ZNF560: variants seen among roughly 807,000 people sequenced by gnomAD.
The protein encoded by ZNF560 is zinc finger protein 560.
In ZNF560, 54 loss-of-function variants were observed where a neutral mutation model predicts 81.8. The ratio of observed to expected loss-of-function variants is 0.66; its 90% confidence interval spans 0.53 to 0.83. The LOEUF is 0.83. Among genes scored for constraint, ZNF560 ranks in the 40% least tolerant of loss-of-function variants. The pLI is 0.00. For synonymous variants in ZNF560, 321 were observed against 317.9 expected (o/e 1.01, Z -0.10); for missense variants, 940 against 932.4 (o/e 1.01, Z -0.11).
At chr19:9,504,312 G>A in the ZNF560 span, among the ~76,000 whole-genome samples, 1 of 152,126 alleles carries the variant, frequency 6.6e-6, no homozygotes, top group Non-Finnish European at 1.5e-5. Context: ...GCATATGCCT[G>A]TAATCCCAGC....
At chr19:9,447,038 G>A in the ZNF560 span, among the ~76,000 whole-genome samples, 1 of 151,310 alleles carries the variant, frequency 6.6e-6, no homozygotes, top group African/African-American at 2.4e-5. Flanking sequence ...AGAGGCTGAG[G>A]CAGGAGAATC....
chr19:9,475,272 T>A lies in ZNF560; in HGVS notation c.30+12A>T. 1.2e-6 allele frequency: 2 copies of A among 1,613,594 alleles called. No individual in the cohort carries two copies. The highest frequency in any genetic ancestry group is 1.7e-6 in the Non-Finnish European group (2 of 1,179,832). ...GTATGTCATTTTGTGGAAGTATACA[T>A]TTTCTGCATACCTGATAACAATTTG... On this transcript the variant is annotated intron_variant, in intron 3 of 9. Coordinates refer to ENST00000301480, the MANE Select transcript of ZNF560 (RefSeq NM_152476.3).
chr19:9,452,170 G>A, the ZNF560 span, among the ~76,000 whole-genome samples: 1 of 151,970 alleles, frequency 6.6e-6, no homozygotes. Flanking sequence ...AGGAAAAAAT[G>A]CTCATTACTA....
downstream of ZNF560, among the ~76,000 whole-genome samples, chr19:9,462,629 T>A (rs2072951046): frequency 1.3e-5 from 2 of 152,032 alleles, no homozygotes; most frequent in Non-Finnish European, 2.9e-5. Flanking sequence ...ATAATATTTT[T>A]AAAAAATCTT....
At chr19:9,483,397 G>A (rs1173806258) in intron 2 of ZNF560, among the ~76,000 whole-genome samples, 19 of 141,250 alleles carry the variant, frequency 1.3e-4, no homozygotes, top group South Asian at 1.2e-3. Flanking sequence ...CAGCCGCCCC[G>A]TCTGAGAAGT....
intron 2 of ZNF560, among the ~76,000 whole-genome samples, chr19:9,489,440 C>T (rs958771119): frequency 2.0e-4 from 30 of 149,654 alleles, no homozygotes; most frequent in Middle Eastern, 3.8e-3. Flanking sequence ...ACTTCCCAGA[C>T]GGTAGGCAGC....
chr19:9,463,893 G>C (rs1282749794), downstream of ZNF560, among the ~76,000 whole-genome samples: 1 of 152,072 alleles, frequency 6.6e-6, no homozygotes, highest in African/African-American at 2.4e-5. Context: ...ATGTTGCCCG[G>C]GCTGGTCTTG....
At chr19:9,484,286 A>T (rs903199338) in intron 2 of ZNF560, among the ~76,000 whole-genome samples, 1 of 151,352 alleles carries the variant, frequency 6.6e-6, no homozygotes, top group East Asian at 2.0e-4. Flanking sequence ...AAGAATGATC[A>T]ATTAAAAAAA....
chr19:9,467,976 T>G lies in ZNF560; in HGVS notation c.971A>C (p.Gln324Pro). The G allele has an allele frequency of 1.2e-6, 2 of 1,614,186 alleles. No individual in the cohort carries two copies. Among genetic ancestry groups the G allele is most frequent in the Non-Finnish European group, 1.7e-6 (2 of 1,180,034 alleles). Reference sequence around the variant, plus strand: ...GGAGTGAGTAAATGCTTCCCCACATTGCTTCCATTCATTGAGTTTTTCTCC... The same window carrying G: ...GGAGTGAGTAAATGCTTCCCCACATGGCTTCCATTCATTGAGTTTTTCTCC... Reference protein sequence around the residue: ...QSGEKLNEWKQCGEAFTHSTS... With the variant: ...QSGEKLNEWKPCGEAFTHSTS... The change falls in exon 10 of 10, where the codon CAA becomes CCA. Residue 324 changes from glutamine to proline, a missense_variant. Coordinates refer to ENST00000301480, the MANE Select transcript of ZNF560 (RefSeq NM_152476.3).
the ZNF560 span, among the ~76,000 whole-genome samples, chr19:9,449,010 A>G: frequency 6.6e-6 from 1 of 152,254 alleles, no homozygotes; most frequent in South Asian, 2.1e-4. Flanking sequence ...TCGCATTCAT[A>G]AAACAAGTAC....
chr19:9,481,081 T>C (rs1415883240), intron 2 of ZNF560, among the ~76,000 whole-genome samples: 1 of 90,286 alleles, frequency 1.1e-5, no homozygotes, highest in African/African-American at 4.2e-5. Flanking sequence ...AGAGATTATC[T>C]GAAAAAAAAA....
At chr19:9,503,629 G>T in the ZNF560 span, among the ~76,000 whole-genome samples, 1 of 152,134 alleles carries the variant, frequency 6.6e-6, no homozygotes, top group Non-Finnish European at 1.5e-5. Flanking sequence ...CAACCAACTG[G>T]GCTCAAGCAA....
rs369881588 is a variant in ZNF560 at position 9,474,211 on chromosome 19, C to T, written c.145G>A (p.Val49Met). The change falls in exon 4 of 10, where the codon GTG becomes ATG. Residue 49 changes from valine to methionine, a missense_variant. Val to Met is a conservative substitution (Grantham distance 21). Transcript: ENST00000301480. The stretch of plus-strand genomic sequence containing the variant: ...ATGGCAGTCTTACCTACTTTGGCCA[C>T]GTTCTCATAATTCTCCAGCATCACA... ...RDVMLENYEN[V>M]AKVGFQLFKP... 6.8e-6 allele frequency: 11 copies of T among 1,614,044 alleles called. No individual in the cohort carries two copies. The African/African-American group carries it at 9.3e-5, about 14-fold the overall frequency.
At chr19:9,472,421 T>C (rs2073137052) in intron 5 of ZNF560, among the ~76,000 whole-genome samples, 4 of 152,216 alleles carry the variant, frequency 2.6e-5, no homozygotes, top group African/African-American at 9.6e-5. Context: ...TTTGTATTTA[T>C]AGCTGCTCTC....
At chr19:9,448,949 T>C in the ZNF560 span, among the ~76,000 whole-genome samples, 1 of 152,224 alleles carries the variant, frequency 6.6e-6, no homozygotes, top group African/African-American at 2.4e-5. Context: ...CACTATATAA[T>C]GATAAAGGGT....
intron 3 of ZNF560, 37 bp downstream of exon 3, chr19:9,475,247 G>T: frequency 2.5e-6 from 4 of 1,609,996 alleles, no homozygotes; most frequent in Non-Finnish European, 3.4e-6. Flanking sequence ...GGTGATGCAA[G>T]TATGTCATTT....
At position 9,489,213 on chromosome 19, in the gene ZNF560, C is replaced by T. The variant is rs1254014569; in HGVS notation, c.-57+8915G>A. Among the ~76,000 whole-genome samples, 4 of 152,252 alleles carry T rather than the reference C, an allele frequency of 2.6e-5. No individual in the cohort carries two copies. The East Asian group carries it at 7.7e-4, about 29-fold the overall frequency. ...ACACTTGGAGGTTTGCACAGTGGCT[C>T]GACAGAGGTGCTCCTCACTTCCCAG... is the stretch of plus-strand genomic sequence containing the variant. On this transcript the variant is annotated intron_variant, in intron 2 of 9. Transcript: ENST00000301480.
chr19:9,470,375 G>T lies in ZNF560; in HGVS notation c.448+17C>A, dbSNP rs769945589. On this transcript the variant is annotated intron_variant, in intron 7 of 9. Transcript: ENST00000301480. Reference sequence around the variant, plus strand: ...TCTTGTTCCAGAATAGGCTACAAGGGATGATGCCAGACTTACCTACTGAGG... The same window carrying T: ...TCTTGTTCCAGAATAGGCTACAAGGTATGATGCCAGACTTACCTACTGAGG... The T allele has an allele frequency of 2.5e-6, 4 of 1,598,808 alleles. No homozygotes were observed. The African/African-American group carries it at 5.4e-5, about 21-fold the overall frequency.
chr19:9,473,028 G>A (rs1443809272), intron 5 of ZNF560, 151 bp downstream of exon 5: 1 of 664,744 alleles, frequency 1.5e-6, no homozygotes, highest in African/African-American at 1.8e-5. Context: ...TTTCTGTAGA[G>A]CCTGCAGAAT....
Sources: gnomAD v4.1 joint callset for allele counts (sites outside exome capture counted in the v4.1 genomes callset) on GRCh38, gnomAD v4.1.1 for gene constraint, MANE v1.5 for transcripts, NCBI Gene and HGNC (gene_info 2026-07-23, HGNC 2026-07-21) for gene names.